IQCK: variants seen among roughly 807,000 people sequenced by gnomAD.
IQCK encodes IQ domain-containing protein K.
IQCK carries 29 observed loss-of-function variants against 28.1 expected under a neutral mutation model. The observed-to-expected ratio is 1.03, with a 90% confidence interval of 0.77 to 1.41. The LOEUF is 1.41. Among genes scored for constraint, IQCK ranks in the 40% most tolerant of loss-of-function variants. The probability of loss-of-function intolerance (pLI) is 0.00; values close to 1 mark genes in which losing one functional copy is unlikely to be tolerated. For missense variants in IQCK, 359 were observed against 314.7 expected, an observed-to-expected ratio of 1.14 and a Z score of -1.07; for synonymous variants, 113 against 115.1, an observed-to-expected ratio of 0.98 and a Z score of 0.12.
In IQCK at chr16:19,767,898, CAAAT is replaced by C. The variant is rs572528604; in HGVS notation, c.605+3798_605+3801del. On this transcript the variant is annotated intron_variant, in intron 6 of 7. Coordinates refer to ENST00000564186, the Ensembl canonical transcript of IQCK. ...CCATCTCAATAAATAAATAAATAAA[CAAAT>C]AAATAAATAAAATAAAATCACCCAG... Among the ~76,000 whole-genome samples the C allele has an allele frequency of 8.8e-3, 1,328 of 151,418 alleles. 9 individuals are homozygous for C. The highest frequency in any genetic ancestry group is 0.013 in the Non-Finnish European group (861 of 67,864).
At chr16:19,804,512 A>G (rs2055808180) in intron 7 of IQCK, among the ~76,000 whole-genome samples, 1 of 151,948 alleles carries the variant, frequency 6.6e-6, no homozygotes, top group Non-Finnish European at 1.5e-5. Context: ...ATCTCACCCT[A>G]CTGCAACCTC....
chr16:19,761,995 AG>A (rs901601769), intron 4 of IQCK: 2 of 152,854 alleles, frequency 1.3e-5, no homozygotes, highest in African/African-American at 4.8e-5. Flanking sequence ...CTCCACTTCC[AG>A]CCCCACATCT....
intron 9 of IQCK, among the ~76,000 whole-genome samples, chr16:19,838,094 TC>T (rs2056319482): frequency 6.6e-6 from 1 of 152,248 alleles, no homozygotes; most frequent in Non-Finnish European, 1.5e-5. Context: ...ATATCCTGCC[TC>T]CCAGGCAAGA....
At chr16:19,810,077 C>T (rs1229242785) in intron 7 of IQCK, among the ~76,000 whole-genome samples, 2 of 152,062 alleles carry the variant, frequency 1.3e-5, no homozygotes, top group African/African-American at 4.8e-5. Flanking sequence ...CAAGAGAGTC[C>T]AGTGGGCAGC....
chr16:19,818,856 A>G (rs1374788115), intron 7 of IQCK, among the ~76,000 whole-genome samples: 2 of 152,180 alleles, frequency 1.3e-5, no homozygotes, highest in Non-Finnish European at 2.9e-5. Flanking sequence ...TATGCTCTGG[A>G]AGAGGAAGTA....
At chr16:19,783,526 G>A (rs1488360668) in intron 6 of IQCK, among the ~76,000 whole-genome samples, 1 of 151,136 alleles carries the variant, frequency 6.6e-6, no homozygotes, top group Admixed American at 6.7e-5. Context: ...CCCCTCCCTA[G>A]TTCCCTGGTG....
chr16:19,752,325 ACACT>A (rs1409124827), intron 4 of IQCK, among the ~76,000 whole-genome samples: 2 of 152,214 alleles, frequency 1.3e-5, no homozygotes, highest in Non-Finnish European at 2.9e-5. Flanking sequence ...AATATTTTGA[ACACT>A]CAGAGTAAAG....
intron 6 of IQCK, among the ~76,000 whole-genome samples, chr16:19,770,926 C>G (rs1432218170): frequency 5.3e-5 from 8 of 152,266 alleles, no homozygotes; most frequent in African/African-American, 1.9e-4. Flanking sequence ...CCTGGCCTCT[C>G]TGACTCTCTT....
At chr16:19,782,113 G>A (rs1450272966) in intron 6 of IQCK, among the ~76,000 whole-genome samples, 2 of 152,190 alleles carry the variant, frequency 1.3e-5, no homozygotes, top group Non-Finnish European at 2.9e-5. Flanking sequence ...ACAAATACTG[G>A]TGTATTGCAA....
chr16:19,765,328 A>G (rs2055217741), intron 6 of IQCK, among the ~76,000 whole-genome samples: 1 of 151,800 alleles, frequency 6.6e-6, no homozygotes, highest in South Asian at 2.1e-4. Context: ...ACTTGAGGTC[A>G]GGAGTTCGAG....
chr16:19,721,211 G>C (rs1170090423), intron 1 of IQCK, among the ~76,000 whole-genome samples: 3 of 151,698 alleles, frequency 2.0e-5, no homozygotes, highest in Admixed American at 2.0e-4. Flanking sequence ...TTGAGATTAA[G>C]TACTACATTC....
rs1977919205 is a variant in IQCK, at chr16:19,733,835, A to G, written c.376+8A>G. On this transcript the variant is annotated splice_region_variant and intron_variant, in intron 3 of 7. Coordinates refer to ENST00000564186, the Ensembl canonical transcript of IQCK. ...CAATCAACCCAAAAACATGTGAGTA[A>G]GAGAGATGCCATCTTTTATAATTTG... 6.2e-7 allele frequency: 1 copy of G among 1,613,862 alleles called. No individual in the cohort carries two copies. Among genetic ancestry groups the G allele is most frequent in the African/African-American group, 1.3e-5 (1 of 75,048 alleles).
At chr16:19,812,428 A>G (rs941891638) in intron 7 of IQCK, among the ~76,000 whole-genome samples, 2 of 152,212 alleles carry the variant, frequency 1.3e-5, no homozygotes, top group Non-Finnish European at 2.9e-5. Flanking sequence ...AATCTAGCCT[A>G]CTGCCTGTTT....
intron 7 of IQCK, among the ~76,000 whole-genome samples, chr16:19,798,416 CA>C (rs527790164): frequency 1.0e-4 from 12 of 119,706 alleles, no homozygotes; most frequent in Non-Finnish European, 1.5e-4. Context: ...GAGTCCATCA[CA>C]AAAAATATAT....
At chr16:19,728,105 C>A (rs1450020990) in intron 1 of IQCK, among the ~76,000 whole-genome samples, 1 of 136,642 alleles carries the variant, frequency 7.3e-6, no homozygotes, top group African/African-American at 3.6e-5. Flanking sequence ...AGAAGAGATT[C>A]TCCTGCTGCC....
intron 9 of IQCK, among the ~76,000 whole-genome samples, chr16:19,843,787 T>C (rs2056386521): frequency 6.6e-6 from 1 of 152,142 alleles, no homozygotes; most frequent in Admixed American, 6.5e-5. Flanking sequence ...TTCTTCTTCT[T>C]GTAAGGGTAC....
rs1167867880 is a variant in IQCK, at chr16:19,746,170, AAAAG to A, written c.474+10722_474+10725del. 2.4e-3 allele frequency among the ~76,000 whole-genome samples: 345 copies of A among 144,694 alleles called. 1 individual carries two copies. The highest frequency in any genetic ancestry group is 9.3e-3 in the African/African-American group (328 of 35,186). The allele number at this position is 144,694 out of a possible 152,430, so 94.9% of individuals were successfully genotyped here. ...CTATGTCTCAAAAAAAAAAAAAAAA[AAAAG>A]AGTCTAGCTTCATTTCTTTTTTTTT... On this transcript the variant is annotated intron_variant, in intron 4 of 7. Transcript: ENST00000564186.
At chr16:19,854,481 G>A (rs77641495) in intron 9 of IQCK, among the ~76,000 whole-genome samples, 11,944 of 152,136 alleles carry the variant, frequency 0.079, 757 homozygotes, top group East Asian at 0.25. Flanking sequence ...CACCCCCAGT[G>A]TCTGGTTCTG....
chr16:19,809,117 A>G (rs1597577966), intron 7 of IQCK, among the ~76,000 whole-genome samples: 1 of 152,200 alleles, frequency 6.6e-6, no homozygotes. Context: ...TCAGCCTCCC[A>G]CAGTGCTGGG....
Sources: gnomAD v4.1 joint callset for allele counts (sites outside exome capture counted in the v4.1 genomes callset) on GRCh38, gnomAD v4.1.1 for gene constraint, MANE v1.5 for transcripts, NCBI Gene and HGNC (gene_info 2026-07-23, HGNC 2026-07-21) for gene names.